Variants in PTPRD observed in about 807,000 individuals in gnomAD.
PTPRD encodes protein tyrosine phosphatase receptor type D.
Under a neutral mutation model 214.5 loss-of-function variants are expected in PTPRD, and 34 were observed. The ratio of observed to expected loss-of-function variants is 0.16; its 90% CI spans 0.12 to 0.21. The LOEUF (loss-of-function observed/expected upper bound fraction) is 0.21. Ranked by LOEUF, PTPRD falls within the 10% of genes least tolerant of loss-of-function variation. The probability of loss-of-function intolerance (pLI) is 1.00; values close to 1 mark genes in which losing one functional copy is unlikely to be tolerated. For synonymous variants in PTPRD, 1,128 were observed against 845.7 expected (o/e 1.33, Z -5.79); for missense variants, 2,545 against 2,398.7 (o/e 1.06, Z -1.27).
chr9:8,486,937 T>C (rs2097030324), intron 27 of PTPRD, among the ~76,000 whole-genome samples: 1 of 152,166 alleles, frequency 6.6e-6, no homozygotes, highest in Non-Finnish European at 1.5e-5. Flanking sequence ...CAAACCCACC[T>C]CTGTCTGGAG....
chr9:8,807,324 G>A (rs1292075873), intron 11 of PTPRD, among the ~76,000 whole-genome samples: 2 of 152,054 alleles, frequency 1.3e-5, no homozygotes, highest in East Asian at 1.9e-4. Context: ...GTGACAGAGC[G>A]AGACTCCATC....
chr9:9,947,639 T>TAC (rs2092961529), intron 4 of PTPRD, among the ~76,000 whole-genome samples: 1 of 100,050 alleles, frequency 1.0e-5, no homozygotes, highest in African/African-American at 3.8e-5. Context: ...ATATATTTTA[T>TAC]ATATATATAT....
At chr9:9,935,303 C>G (rs968479385) in intron 5 of PTPRD, among the ~76,000 whole-genome samples, 3 of 152,150 alleles carry the variant, frequency 2.0e-5, no homozygotes, top group African/African-American at 7.2e-5. Flanking sequence ...TTGCAGAAGA[C>G]ATGATTGTAT....
intron 26 of PTPRD, among the ~76,000 whole-genome samples, chr9:8,495,066 C>T (rs186918349): frequency 3.3e-5 from 5 of 152,168 alleles, no homozygotes; most frequent in Non-Finnish European, 7.3e-5. Flanking sequence ...ATTTCTAAAC[C>T]TTAAATAATT....
At chr9:10,350,623 G>C (rs2097165673) in intron 2 of PTPRD, among the ~76,000 whole-genome samples, 1 of 152,076 alleles carries the variant, frequency 6.6e-6, no homozygotes, top group African/African-American at 2.4e-5. Flanking sequence ...AATTTTCTAA[G>C]ATCAGGATCT....
chr9:9,164,380 T>C (rs773955971), intron 10 of PTPRD, among the ~76,000 whole-genome samples: 4 of 152,162 alleles, frequency 2.6e-5, no homozygotes, highest in Non-Finnish European at 2.9e-5. Context: ...TCTCGTTCTC[T>C]TATAAGGATC....
chr9:8,936,713 A>T (rs1588421717), intron 11 of PTPRD, among the ~76,000 whole-genome samples: 4 of 152,136 alleles, frequency 2.6e-5, no homozygotes, highest in Admixed American at 2.6e-4. Context: ...CATTGGCTTA[A>T]TTTTATAAGC....
At chr9:10,206,032 T>TAA (rs77620088) in intron 3 of PTPRD, among the ~76,000 whole-genome samples, 5 of 129,896 alleles carry the variant, frequency 3.8e-5, no homozygotes, top group African/African-American at 8.6e-5. Context: ...TAGCTTTATG[T>TAA]AAAAAAAAAA....
chr9:9,391,639 G>A (rs1414073528), intron 9 of PTPRD, among the ~76,000 whole-genome samples: 4 of 152,046 alleles, frequency 2.6e-5, no homozygotes, highest in Admixed American at 2.0e-4. Context: ...TTTTGTTGGT[G>A]CAACTTAGAA....
At chr9:9,961,999 C>A (rs1587466324) in intron 4 of PTPRD, among the ~76,000 whole-genome samples, 1 of 152,036 alleles carries the variant, frequency 6.6e-6, no homozygotes, top group South Asian at 2.1e-4. Context: ...AAAAGAATTT[C>A]ATAGAAAATA....
intron 2 of PTPRD, among the ~76,000 whole-genome samples, chr9:10,539,061 T>C (rs1370200041): frequency 6.6e-6 from 1 of 152,214 alleles, no homozygotes; most frequent in African/African-American, 2.4e-5. Context: ...TTAATGCAAA[T>C]GCTCCTGAGA....
intron 3 of PTPRD, among the ~76,000 whole-genome samples, chr9:10,125,924 T>A (rs2098815956): frequency 6.6e-6 from 1 of 152,138 alleles, no homozygotes; most frequent in Admixed American, 6.5e-5. Flanking sequence ...TAATATATTG[T>A]GTGACCAAGA....
intron 5 of PTPRD, among the ~76,000 whole-genome samples, chr9:9,874,537 T>C (rs2066331858): frequency 6.6e-6 from 1 of 152,144 alleles, no homozygotes; most frequent in Non-Finnish European, 1.5e-5. Context: ...CTAAAACAGG[T>C]GCTAGATTTA....
At chr9:8,799,381 G>A (rs937886470) in intron 11 of PTPRD, among the ~76,000 whole-genome samples, 24 of 152,208 alleles carry the variant, frequency 1.6e-4, no homozygotes, top group African/African-American at 5.5e-4. Flanking sequence ...GCCTCAGGGT[G>A]ACCCCTGAAG....
chr9:9,541,444 A>G (rs1232950266), intron 8 of PTPRD, among the ~76,000 whole-genome samples: 2 of 151,850 alleles, frequency 1.3e-5, no homozygotes, highest in African/African-American at 4.8e-5. Flanking sequence ...AGCCCAACCC[A>G]GCTACAACCA....
chr9:9,183,020 A>G (rs2099929152), intron 10 of PTPRD, among the ~76,000 whole-genome samples: 1 of 152,012 alleles, frequency 6.6e-6, no homozygotes, highest in African/African-American at 2.4e-5. Flanking sequence ...ACCGATTGTT[A>G]GATTTCCCCC....
chr9:10,191,030 T>C (rs1029742064), intron 3 of PTPRD, among the ~76,000 whole-genome samples: 1 of 152,032 alleles, frequency 6.6e-6, no homozygotes, highest in Non-Finnish European at 1.5e-5. Flanking sequence ...TCACTAATAA[T>C]TGGCCTCTCA....
chr9:8,596,541 C>G (rs559170273), intron 14 of PTPRD, among the ~76,000 whole-genome samples: 1 of 151,668 alleles, frequency 6.6e-6, no homozygotes, highest in Non-Finnish European at 1.5e-5. Context: ...AGAAACAATG[C>G]GGAAAGTGAG....
chr9:9,867,951 C>G (rs2153705260), intron 5 of PTPRD, among the ~76,000 whole-genome samples: 1 of 152,216 alleles, frequency 6.6e-6, no homozygotes, highest in South Asian at 2.1e-4. Flanking sequence ...TTTTCTCACT[C>G]CACAAAGAGC....
Sources: allele counts gnomAD v4.1 joint callset (sites outside exome capture counted in the v4.1 genomes callset), GRCh38; gene constraint gnomAD v4.1.1; transcripts MANE v1.5; gene names NCBI Gene and HGNC (gene_info 2026-07-23, HGNC 2026-07-21).